FOXP1: variants seen among roughly 807,000 people sequenced by gnomAD.
The protein encoded by FOXP1 is forkhead box P1, also known as forkhead box protein P1.
In FOXP1, 15 loss-of-function variants were observed where a neutral mutation model predicts 98.2. The ratio of observed to expected loss-of-function variants is 0.15; its 90% CI spans 0.10 to 0.24. The LOEUF (loss-of-function observed/expected upper bound fraction) is 0.24. Among genes scored for constraint, FOXP1 ranks in the 10% least tolerant of loss-of-function variants. The pLI, the probability that FOXP1 is intolerant of heterozygous loss-of-function variation, is 1.00. For missense variants in FOXP1, 633 were observed against 848.5 expected, an observed-to-expected ratio of 0.75 and a Z score of 3.15; for synonymous variants, 371 against 314.5, an observed-to-expected ratio of 1.18 and a Z score of -1.90.
intron 12 of FOXP1, among the ~76,000 whole-genome samples, chr3:71,009,324 T>A (rs1037675253): frequency 3.3e-5 from 5 of 152,102 alleles, no homozygotes; most frequent in African/African-American, 1.2e-4. Flanking sequence ...CAGCAAACTG[T>A]GGTCCAAGGG....
chr3:71,177,609 C>T (rs1381660169), intron 6 of FOXP1, among the ~76,000 whole-genome samples: 1 of 152,112 alleles, frequency 6.6e-6, no homozygotes, highest in African/African-American at 2.4e-5. Flanking sequence ...CAGTCGTAAG[C>T]TGTGTGAACG....
At chr3:70,974,569 A>G (rs2037094451) in intron 17 of FOXP1, among the ~76,000 whole-genome samples, 1 of 152,232 alleles carries the variant, frequency 6.6e-6, no homozygotes, top group Non-Finnish European at 1.5e-5. Flanking sequence ...CCGGGATCAC[A>G]GGCAGGAGCC....
chr3:71,135,219 A>G (rs1344305775), intron 6 of FOXP1, among the ~76,000 whole-genome samples: 1 of 139,344 alleles, frequency 7.2e-6, no homozygotes, highest in Non-Finnish European at 1.5e-5. Flanking sequence ...AGATCGCACC[A>G]CTGCACTTCA....
chr3:71,430,879 C>T (rs111386135), intron 3 of FOXP1, among the ~76,000 whole-genome samples: 1 of 152,230 alleles, frequency 6.6e-6, no homozygotes, highest in East Asian at 1.9e-4. Flanking sequence ...CAGGGGAAGG[C>T]CTTACAGGTC....
chr3:71,119,813 G>GA (rs1485903809), intron 6 of FOXP1, among the ~76,000 whole-genome samples: 1 of 152,050 alleles, frequency 6.6e-6, no homozygotes, highest in Non-Finnish European at 1.5e-5. Flanking sequence ...AAAAGAAAAA[G>GA]AAAGAAATGA....
intron 6 of FOXP1, among the ~76,000 whole-genome samples, chr3:71,160,934 A>G (rs1287939744): frequency 6.6e-6 from 1 of 152,224 alleles, no homozygotes; most frequent in Non-Finnish European, 1.5e-5. Context: ...TCACTGAGTC[A>G]TGGGGGCCTT....
intron 6 of FOXP1, among the ~76,000 whole-genome samples, chr3:71,178,611 C>T (rs113489574): frequency 0.029 from 4,381 of 151,544 alleles, 229 homozygotes; most frequent in African/African-American, 0.099. Context: ...TGGCCGGGTG[C>T]GGTGTCTCAA....
intron 3 of FOXP1, among the ~76,000 whole-genome samples, chr3:71,404,536 A>G (rs2082182070): frequency 6.6e-6 from 1 of 151,920 alleles, no homozygotes; most frequent in Non-Finnish European, 1.5e-5. Flanking sequence ...GTGACACCTG[A>G]CCAAGTTTCT....
chr3:71,198,709 T>C (rs183102699), intron 5 of FOXP1, among the ~76,000 whole-genome samples: 13 of 152,244 alleles, frequency 8.5e-5, no homozygotes, highest in African/African-American at 3.1e-4. Context: ...CTTTTTTTTT[T>C]TGAGATGGAG....
intron 2 of FOXP1, among the ~76,000 whole-genome samples, chr3:71,530,872 T>G (rs2043787109): frequency 6.6e-6 from 1 of 151,200 alleles, no homozygotes; most frequent in Admixed American, 6.6e-5. Context: ...TGAAGAAAAC[T>G]ACCCCCCAAC....
intron 11 of FOXP1, among the ~76,000 whole-genome samples, chr3:71,019,451 G>T (rs1224374274): frequency 6.6e-6 from 1 of 152,198 alleles, no homozygotes; most frequent in Non-Finnish European, 1.5e-5. Flanking sequence ...TTAATAAGGT[G>T]TATTTTACCA....
intron 3 of FOXP1, among the ~76,000 whole-genome samples, chr3:71,399,247 T>C (rs1301621941): frequency 6.6e-6 from 1 of 152,180 alleles, no homozygotes; most frequent in Non-Finnish European, 1.5e-5. Context: ...CATATGTATG[T>C]GTGTATATAC....
intron 5 of FOXP1, among the ~76,000 whole-genome samples, chr3:71,220,778 A>AAAATAAAAT (rs1373713637): frequency 5.3e-5 from 8 of 151,608 alleles, no homozygotes; most frequent in South Asian, 2.1e-4. Flanking sequence ...AAAATAAAAT[A>AAAATAAAAT]AAATAAAATA....
intron 5 of FOXP1, among the ~76,000 whole-genome samples, chr3:71,295,594 G>A (rs2073205967): frequency 6.6e-6 from 1 of 152,000 alleles, no homozygotes; most frequent in Admixed American, 6.5e-5. Flanking sequence ...TACACAAAAT[G>A]TGAAGCTTGG....
At chr3:71,375,392 G>A (rs1006326570) in intron 3 of FOXP1, among the ~76,000 whole-genome samples, 1 of 152,214 alleles carries the variant, frequency 6.6e-6, no homozygotes, top group African/African-American at 2.4e-5. Flanking sequence ...AGTGTGATAT[G>A]AGCAAGAAAT....
rs1341269018 is a variant in FOXP1, at chr3:70,965,999, T to C, written c.1780A>G (p.Thr594Ala). The C allele has an allele frequency of 6.2e-7, 1 of 1,614,008 alleles. No individual in the cohort carries two copies. The highest frequency in any genetic ancestry group is 8.5e-7 in the Non-Finnish European group (1 of 1,179,998). Residue 594 changes from threonine (T) to alanine (A), a missense_variant, in exon 20 of 21, where the codon ACT becomes GCT. Around this residue, in one of 6 missense-constraint regions of FOXP1, gnomAD observed 150 missense variants for 163.7 expected, o/e 0.92. Transcript: ENST00000649528. ...ATTGCGCTGGCTAAGTTGCCCAGAGTGGGATTTCCCATGGAAGCGGTAGTG... is the reference window on the plus strand; with the variant it reads ...ATTGCGCTGGCTAAGTTGCCCAGAGCGGGATTTCCCATGGAAGCGGTAGTG... ...LYTTASMGNP[T>A]LGNLASAIRE...
intron 6 of FOXP1, among the ~76,000 whole-genome samples, chr3:71,194,873 A>G (rs1453737029): frequency 1.3e-5 from 2 of 152,224 alleles, no homozygotes; most frequent in Non-Finnish European, 2.9e-5. Flanking sequence ...AGTCTTGAGG[A>G]AGAAAGACAG....
chr3:71,430,370 G>T (rs1292670484), intron 3 of FOXP1, among the ~76,000 whole-genome samples: 1 of 152,146 alleles, frequency 6.6e-6, no homozygotes, highest in Non-Finnish European at 1.5e-5. Flanking sequence ...ATCAGAAAAA[G>T]AAAGGTTATG....
intron 4 of FOXP1, among the ~76,000 whole-genome samples, chr3:71,303,372 T>C (rs75287891): frequency 0.018 from 2,711 of 152,166 alleles, 80 homozygotes; most frequent in African/African-American, 0.061. Flanking sequence ...GGCAGTTCAG[T>C]AGGTCTATGG....
Sources: allele counts gnomAD v4.1 joint callset (sites outside exome capture counted in the v4.1 genomes callset), GRCh38; gene constraint gnomAD v4.1.1; regional missense constraint gnomAD v4.1.1; transcripts MANE v1.5; gene names NCBI Gene and HGNC (gene_info 2026-07-23, HGNC 2026-07-21).